Variants in S100PBP observed in about 807,000 individuals in gnomAD.
S100PBP encodes S100P binding protein, also known as S100P-binding protein.
In S100PBP, 15 loss-of-function variants were observed where a neutral mutation model predicts 39.9. That is an observed-to-expected ratio of 0.38 (90% CI 0.25 to 0.58). S100PBP has a LOEUF of 0.58. Ranked by LOEUF, S100PBP falls within the 20% of genes least tolerant of loss-of-function variation. The pLI is 0.70. For missense variants in S100PBP, 504 were observed against 487.3 expected, an observed-to-expected ratio of 1.03 and a Z score of -0.32; for synonymous variants, 178 against 180.3, an observed-to-expected ratio of 0.99 and a Z score of 0.10.
Position 32,826,740 on chromosome 1 carries a change from C to G in S100PBP, c.641C>G (p.Ser214Cys). Residue 214 changes from serine (S) to cysteine (C), a missense_variant, in exon 3 of 7, where the codon TCT becomes TGT. Transcript: ENST00000373475. ...GCCTGGAATGGGCCCCAGCTCTCTTCTTCAAACAATAACTTTCAACAGACT... is the reference window on the plus strand; with the variant it reads ...GCCTGGAATGGGCCCCAGCTCTCTTGTTCAAACAATAACTTTCAACAGACT... ...NSAWNGPQLS[S>C]SNNNFQQTVS... The G allele has an allele frequency of 2.5e-6, 4 of 1,614,162 alleles. No individual in the cohort carries two copies. Among genetic ancestry groups the G allele is most frequent in the Non-Finnish European group, 3.4e-6 (4 of 1,180,020 alleles).
intron 4 of S100PBP, among the ~76,000 whole-genome samples, chr1:32,828,312 G>T (rs976854043): frequency 6.6e-6 from 1 of 151,906 alleles, no homozygotes; most frequent in Non-Finnish European, 1.5e-5. Context: ...GCTTGACAGG[G>T]TTATTTTGAA....
At position 32,826,808 on chromosome 1, in the gene S100PBP, G is replaced by A. The variant is rs758101787; in HGVS notation, c.709G>A (p.Val237Ile). The A allele has an allele frequency of 1.9e-6, 3 of 1,613,960 alleles. No homozygotes were observed. Among genetic ancestry groups the A allele is most frequent in the East Asian group, 4.5e-5 (2 of 44,896 alleles). Residue 237 changes from valine to isoleucine, a missense_variant, in exon 3 of 7, where the codon GTA becomes ATA. Val to Ile is a conservative substitution (Grantham distance 29, BLOSUM62 3). Transcript: ENST00000373475. ...NMPDSENPTS[V>I]FSRISDHSET... ...GCCTGACAGTGAGAACCCTACGTCT[G>A]TATTCTCTCGGATCTCAGACCATTC... is the stretch of plus-strand genomic sequence containing the variant.
intron 1 of S100PBP, among the ~76,000 whole-genome samples, chr1:32,822,456 T>TA (rs1162201417): frequency 6.6e-6 from 1 of 151,272 alleles, no homozygotes; most frequent in Non-Finnish European, 1.5e-5. Flanking sequence ...CTACTAAAAA[T>TA]ACAAAAATTA....
At chr1:32,827,038 G>T (rs1340284610) in intron 3 of S100PBP, 108 bp downstream of exon 3, 4 of 712,796 alleles carry the variant, frequency 5.6e-6, no homozygotes, top group Non-Finnish European at 9.1e-6. Context: ...AACTTCCCCT[G>T]CTGTGGGCAT....
At position 32,826,842 on chromosome 1, in the gene S100PBP, CTAA is replaced by C. The variant is rs768052897; in HGVS notation, c.746_748del (p.Asn249del). The C allele has an allele frequency of 6.2e-6, 10 of 1,614,028 alleles. No homozygotes were observed. The highest frequency in any genetic ancestry group is 1.7e-4 in the Middle Eastern group (1 of 6,060). On this transcript the variant is annotated inframe_deletion, in exon 3 of 7. Transcript: ENST00000373475. ...CGGATCTCAGACCATTCAGAGACTC[CTAA>C]TATGGAGTTATCCTGCAGAAATGGT...
intron 1 of S100PBP, among the ~76,000 whole-genome samples, chr1:32,823,330 TCTAA>T (rs1639171502): frequency 1.3e-5 from 2 of 152,234 alleles, no homozygotes; most frequent in South Asian, 4.1e-4. Flanking sequence ...AACTTTTTTT[TCTAA>T]CTGCTTCCTA....
In S100PBP at chr1:32,858,280, G is replaced by A. The variant is rs557018283; in HGVS notation, c.*2242G>A. On this transcript the variant is annotated 3_prime_UTR_variant, in exon 7 of 7. Transcript: ENST00000373475. The stretch of plus-strand genomic sequence containing the variant: ...GAGCACTGCCTTTGCCAAATCAAAT[G>A]AGTGACAGGTTAACTAGAAAATGTG... 1.5e-4 allele frequency: 23 copies of A among 152,772 alleles called. No individual in the cohort carries two copies. The East Asian group carries it at 4.2e-3, about 28-fold the overall frequency. The allele number at this position is 152,772 out of a possible 1,614,324, so 9.5% of individuals were successfully genotyped here. A position where few individuals can be genotyped will look rare whatever the true frequency, so the allele number is the denominator to read the frequency against.
chr1:32,828,312 G>A (rs976854043), intron 4 of S100PBP, among the ~76,000 whole-genome samples: 1 of 151,906 alleles, frequency 6.6e-6, no homozygotes, highest in Non-Finnish European at 1.5e-5. Context: ...GCTTGACAGG[G>A]TTATTTTGAA....
rs375353897 is a variant in S100PBP at position 32,826,797 on chromosome 1, A to G, written c.698A>G (p.Asn233Ser). 69 of 1,613,912 alleles carry G rather than the reference A, an allele frequency of 4.3e-5. No individual in the cohort carries two copies. Among genetic ancestry groups the G allele is most frequent in the South Asian group, 2.2e-4 (20 of 91,068 alleles). The part of the protein sequence containing the change: ...VSDKNMPDSE[N>S]PTSVFSRISD... ...GATAAAAATATGCCTGACAGTGAGAACCCTACGTCTGTATTCTCTCGGATC... is the reference window on the plus strand; with the variant it reads ...GATAAAAATATGCCTGACAGTGAGAGCCCTACGTCTGTATTCTCTCGGATC... Residue 233 changes from asparagine (N) to serine (S), a missense_variant, in exon 3 of 7, where the codon AAC becomes AGC. By Grantham distance (46) the Asn-to-Ser change is conservative. Coordinates refer to ENST00000373475, the MANE Select transcript of S100PBP (RefSeq NM_022753.4).
intron 5 of S100PBP, among the ~76,000 whole-genome samples, chr1:32,845,993 T>A (rs1343250251): frequency 2.0e-5 from 3 of 151,688 alleles, no homozygotes; most frequent in Non-Finnish European, 2.9e-5. Flanking sequence ...TTAATTTATT[T>A]TTTTATTTTT....
At position 32,855,982 on chromosome 1, in the gene S100PBP, A is replaced by G; in HGVS notation, c.1171A>G (p.Arg391Gly). The G allele has an allele frequency of 6.2e-7, 1 of 1,613,802 alleles. No individual in the cohort carries two copies. Among genetic ancestry groups the G allele is most frequent in the Non-Finnish European group, 8.5e-7 (1 of 1,179,786 alleles). ...QRYSLTQWVD[R>G]NMRSHHRFQR... Reference sequence around the variant, plus strand: ...ATACAGTCTGACTCAGTGGGTTGACAGGAACATGCGAAGCCACCATCGGTT... The same window carrying G: ...ATACAGTCTGACTCAGTGGGTTGACGGGAACATGCGAAGCCACCATCGGTT... The change falls in exon 7 of 7, where the codon AGG (arginine) becomes GGG (glycine). Residue 391 changes from arginine (R) to glycine (G), a missense_variant. Arg to Gly is a moderately radical substitution (Grantham distance 125). Transcript: ENST00000373475.
chr1:32,842,580 TGA>T (rs1455098671), intron 5 of S100PBP, among the ~76,000 whole-genome samples: 2 of 151,970 alleles, frequency 1.3e-5, no homozygotes, highest in Non-Finnish European at 2.9e-5. Flanking sequence ...TAAATAAAAC[TGA>T]GAGAGAATTA....
At chr1:32,817,993 G>GA (rs1638829168) in intron 1 of S100PBP, 1 of 152,500 alleles carries the variant, frequency 6.6e-6, no homozygotes, top group Non-Finnish European at 1.5e-5. Context: ...TGGGGGTGGG[G>GA]GCCGCCTCTG....
chr1:32,829,867 T>A, intron 4 of S100PBP, 97 bp from the exon 5 acceptor site: 2 of 807,424 alleles, frequency 2.5e-6, no homozygotes, highest in Non-Finnish European at 2.1e-6. Flanking sequence ...TGAAACTTAG[T>A]TCTAATCAAT....
chr1:32,822,447 T>C (rs1045668614), intron 1 of S100PBP, among the ~76,000 whole-genome samples: 19 of 151,734 alleles, frequency 1.3e-4, no homozygotes, highest in Non-Finnish European at 2.5e-4. Flanking sequence ...ACCCCGTCTC[T>C]ACTAAAAATA....
intron 5 of S100PBP, among the ~76,000 whole-genome samples, chr1:32,850,226 T>A (rs754436952): frequency 6.6e-6 from 1 of 152,258 alleles, no homozygotes; most frequent in Non-Finnish European, 1.5e-5. Context: ...GATAATCTTG[T>A]GGTTCCATTT....
intron 1 of S100PBP, among the ~76,000 whole-genome samples, chr1:32,822,388 G>A (rs538626269): frequency 2.6e-5 from 4 of 152,096 alleles, no homozygotes; most frequent in Admixed American, 6.5e-5. Flanking sequence ...CGAGGCGGGC[G>A]GATCACCTGA....
At position 32,826,671 on chromosome 1, in the gene S100PBP, G is replaced by C. The variant is rs151166125; in HGVS notation, c.572G>C (p.Ser191Thr). The change falls in exon 3 of 7, where the codon AGC (serine) becomes ACC (threonine). Residue 191 changes from serine (S) to threonine (T), a missense_variant. Ser to Thr is a moderately conservative substitution (Grantham distance 58). Transcript: ENST00000373475. ...GAAGATGGTCTTAGCCCAAATGAAAGCAAACTTTGTACTGAATCTGAAGGG... is the reference window on the plus strand; with the variant it reads ...GAAGATGGTCTTAGCCCAAATGAAACCAAACTTTGTACTGAATCTGAAGGG... Reference protein sequence around the residue: ...MREDGLSPNESKLCTESEGIS... With the variant: ...MREDGLSPNETKLCTESEGIS... 6.2e-7 allele frequency: 1 copy of C among 1,614,170 alleles called. No individual in the cohort carries two copies. The highest frequency in any genetic ancestry group is 8.5e-7 in the Non-Finnish European group (1 of 1,180,024).
At position 32,826,473 on chromosome 1, in the gene S100PBP, A is replaced by T. The variant is rs1639331249; in HGVS notation, c.374A>T (p.His125Leu). 5 of 1,614,202 alleles carry T rather than the reference A, an allele frequency of 3.1e-6. No individual in the cohort carries two copies. Among genetic ancestry groups the T allele is most frequent in the Non-Finnish European group, 4.2e-6 (5 of 1,180,030 alleles). Reference protein sequence around the residue: ...KLPQLSTSSGHGPAHTKPLNR... With the variant: ...KLPQLSTSSGLGPAHTKPLNR... ...CCTCAGCTAAGTACATCAAGTGGTCATGGACCAGCTCATACTAAACCATTA... is the reference window on the plus strand; with the variant it reads ...CCTCAGCTAAGTACATCAAGTGGTCTTGGACCAGCTCATACTAAACCATTA... The change falls in exon 3 of 7, where the codon CAT (histidine) becomes CTT (leucine). Residue 125 changes from histidine (H) to leucine (L), a missense_variant. By Grantham distance (99) the His-to-Leu change is moderately conservative (BLOSUM62 -3). Transcript: ENST00000373475.
Sources: allele counts gnomAD v4.1 joint callset (sites outside exome capture counted in the v4.1 genomes callset), GRCh38; gene constraint gnomAD v4.1.1; transcripts MANE v1.5; gene names NCBI Gene and HGNC (gene_info 2026-07-23, HGNC 2026-07-21).